Variants in TRIQK observed in about 807,000 individuals in gnomAD.
TRIQK encodes triple QxxK/R motif-containing protein.
In TRIQK, 10 loss-of-function variants were observed where a neutral mutation model predicts 10.8. That is an observed-to-expected ratio of 0.92 (90% CI 0.57 to 1.57). The LOEUF is 1.57. TRIQK is among the 40% of genes most tolerant of loss of function. The pLI is 0.00. For missense variants in TRIQK, 107 were observed against 97.7 expected, an observed-to-expected ratio of 1.09 and a Z score of -0.40; for synonymous variants, 33 against 33.7, an observed-to-expected ratio of 0.98 and a Z score of 0.07.
Position 92,900,209 on chromosome 8 carries a change from T to C in TRIQK, c.62-8135A>G, listed in dbSNP as rs180811003. On this transcript the variant is annotated intron_variant, in intron 3 of 4. Coordinates refer to ENST00000521988, the MANE Select transcript of TRIQK (RefSeq NM_001171797.2). Reference sequence around the variant, plus strand: ...CCATTCTGTGGGTTGTCCCTTTCACTTTACTGATGGTTTCCTTTGCTGTTC... The same window carrying C: ...CCATTCTGTGGGTTGTCCCTTTCACCTTACTGATGGTTTCCTTTGCTGTTC... Among the ~76,000 whole-genome samples the C allele has an allele frequency of 2.0e-5, 3 of 152,256 alleles. No individual in the cohort carries two copies. In the East Asian group the frequency reaches 5.8e-4, roughly 29 times the overall value.
At chr8:92,917,156 A>C (rs1809905572) in intron 2 of TRIQK, 146 bp from the exon 3 acceptor site, 1 of 401,832 alleles carries the variant, frequency 2.5e-6, no homozygotes, top group Admixed American at 4.5e-5. Context: ...AAAGAAAACA[A>C]AATTCTTTTA....
chr8:92,911,250 A>C (rs1195251925), intron 3 of TRIQK, among the ~76,000 whole-genome samples: 1 of 151,434 alleles, frequency 6.6e-6, no homozygotes, highest in Non-Finnish European at 1.5e-5. Context: ...TAATAGATAC[A>C]GAAAAGATAA....
chr8:92,921,283 G>A (rs953793408), intron 2 of TRIQK: 1 of 151,182 alleles, frequency 6.6e-6, no homozygotes, highest in Non-Finnish European at 1.5e-5. Context: ...TCTCTATTGG[G>A]GAGACAGAAA....
At chr8:92,918,934 T>C (rs1431450779) in intron 2 of TRIQK, among the ~76,000 whole-genome samples, 1 of 151,934 alleles carries the variant, frequency 6.6e-6, no homozygotes, top group Non-Finnish European at 1.5e-5. Flanking sequence ...TTCATTCTTC[T>C]GCATATAGAA....
At chr8:92,962,882 AAG>A (rs1812530913) in intron 1 of TRIQK, among the ~76,000 whole-genome samples, 1 of 152,214 alleles carries the variant, frequency 6.6e-6, no homozygotes, top group African/African-American at 2.4e-5. Flanking sequence ...GGTTCTGGGA[AAG>A]AGAGTAGGAG....
intron 1 of TRIQK, among the ~76,000 whole-genome samples, chr8:92,956,724 T>G (rs924819862): frequency 6.6e-6 from 1 of 151,856 alleles, no homozygotes; most frequent in Admixed American, 6.6e-5. Flanking sequence ...TAATACTTCA[T>G]AGAAAAATCT....
intron 2 of TRIQK, chr8:92,922,606 C>A: frequency 6.6e-6 from 1 of 151,644 alleles, no homozygotes; most frequent in East Asian, 1.9e-4. Flanking sequence ...TCACTACCTA[C>A]AGAAAATAAA....
intron 2 of TRIQK, among the ~76,000 whole-genome samples, chr8:92,950,418 C>G (rs899798453): frequency 1.3e-5 from 2 of 152,120 alleles, no homozygotes; most frequent in African/African-American, 4.8e-5. Context: ...TTAAAGCTGG[C>G]AACTTAATCT....
chr8:92,903,592 T>A (rs1156989583), intron 3 of TRIQK, among the ~76,000 whole-genome samples: 1 of 152,170 alleles, frequency 6.6e-6, no homozygotes, highest in African/African-American at 2.4e-5. Context: ...TATAGGTGCC[T>A]GTGATTCTGT....
At chr8:92,904,482 T>C (rs900255797) in intron 3 of TRIQK, among the ~76,000 whole-genome samples, 1 of 152,168 alleles carries the variant, frequency 6.6e-6, no homozygotes, top group Non-Finnish European at 1.5e-5. Flanking sequence ...GGAAACCAAC[T>C]GAGTACTACT....
chr8:92,975,608 C>T (rs1389064287), intron 1 of TRIQK, among the ~76,000 whole-genome samples: 1 of 151,846 alleles, frequency 6.6e-6, no homozygotes, highest in East Asian at 1.9e-4. Flanking sequence ...ATTTTATTAC[C>T]TTTCTTAAAG....
At chr8:92,952,898 G>A (rs368820566) in intron 2 of TRIQK, among the ~76,000 whole-genome samples, 2 of 152,122 alleles carry the variant, frequency 1.3e-5, no homozygotes, top group Admixed American at 6.6e-5. Flanking sequence ...CAGTGATCAT[G>A]GAAGTATATT....
chr8:92,993,711 A>T (rs1297580888), intron 1 of TRIQK, among the ~76,000 whole-genome samples: 2 of 152,222 alleles, frequency 1.3e-5, no homozygotes, highest in African/African-American at 4.8e-5. Flanking sequence ...TGATGGTATT[A>T]GCCTTGATCA....
intron 1 of TRIQK, among the ~76,000 whole-genome samples, chr8:92,988,068 G>A (rs1312120382): frequency 7.1e-6 from 1 of 141,736 alleles, no homozygotes; most frequent in Non-Finnish European, 1.5e-5. Flanking sequence ...GTGCAGTGGC[G>A]CGATCTCGGC....
At chr8:92,889,345 A>T (rs1816646134) in intron 4 of TRIQK, among the ~76,000 whole-genome samples, 1 of 151,642 alleles carries the variant, frequency 6.6e-6, no homozygotes, top group East Asian at 1.9e-4. Flanking sequence ...CAAGATGATC[A>T]TGTCTTATTC....
chr8:93,001,474 C>T (rs920279056), intron 1 of TRIQK, among the ~76,000 whole-genome samples: 1 of 151,904 alleles, frequency 6.6e-6, no homozygotes, highest in Non-Finnish European at 1.5e-5. Flanking sequence ...CAAAAGTGAA[C>T]AAAAGTAGCT....
intron 1 of TRIQK, among the ~76,000 whole-genome samples, chr8:93,002,924 A>T (rs1420788947): frequency 6.6e-6 from 1 of 151,958 alleles, no homozygotes; most frequent in African/African-American, 2.4e-5. Flanking sequence ...CCATCTCAAA[A>T]AAAAAAAAAA....
intron 2 of TRIQK, among the ~76,000 whole-genome samples, chr8:92,945,774 T>C (rs1206527660): frequency 6.6e-6 from 1 of 152,146 alleles, no homozygotes; most frequent in East Asian, 1.9e-4. Flanking sequence ...ATGTATTAAA[T>C]TTAGGATATA....
intron 1 of TRIQK, among the ~76,000 whole-genome samples, chr8:92,988,289 T>C (rs767537693): frequency 6.6e-6 from 1 of 152,106 alleles, no homozygotes; most frequent in Non-Finnish European, 1.5e-5. Flanking sequence ...GTGCTGGGAT[T>C]ACAGGCGTGA....
Sources: allele counts gnomAD v4.1 joint callset (sites outside exome capture counted in the v4.1 genomes callset), GRCh38; gene constraint gnomAD v4.1.1; transcripts MANE v1.5; gene names NCBI Gene and HGNC (gene_info 2026-07-23, HGNC 2026-07-21).